The following PRKN variants were observed in gnomAD, a reference collection of about 807,000 sequenced individuals.
The protein encoded by PRKN is parkin RBR E3 ubiquitin protein ligase, also known as E3 ubiquitin-protein ligase parkin.
In PRKN, 56 loss-of-function variants were observed where a neutral mutation model predicts 59.5. The ratio of observed to expected loss-of-function variants is 0.94; its 90% CI spans 0.76 to 1.18. The LOEUF (loss-of-function observed/expected upper bound fraction) is 1.18. PRKN is among the 50% of genes most tolerant of loss of function. The pLI, the probability that PRKN is intolerant of heterozygous loss-of-function variation, is 0.00. For missense variants in PRKN, 657 were observed against 596.4 expected (o/e 1.10, Z -1.06); for synonymous variants, 250 against 222.1 (o/e 1.13, Z -1.12).
chr6:162,208,638 A>G (rs1247005682), intron 3 of PRKN, among the ~76,000 whole-genome samples: 1 of 152,216 alleles, frequency 6.6e-6, no homozygotes, highest in African/African-American at 2.4e-5. Context: ...AACAAAGTAC[A>G]AAGCCAAAAA....
At chr6:162,188,782 T>TG (rs960874440) in intron 4 of PRKN, among the ~76,000 whole-genome samples, 5 of 151,720 alleles carry the variant, frequency 3.3e-5, no homozygotes, top group Non-Finnish European at 5.9e-5. Context: ...GATTTCGTTT[T>TG]TTTTTTTTTT....
intron 1 of PRKN, among the ~76,000 whole-genome samples, chr6:162,631,134 T>A (rs1267004521): frequency 6.6e-6 from 1 of 152,136 alleles, no homozygotes; most frequent in Non-Finnish European, 1.5e-5. Context: ...GACATGGTCA[T>A]CTACTGTGTA....
At chr6:162,201,040 C>T (rs930216203) in intron 4 of PRKN, 91 bp downstream of exon 4, 50 of 1,358,080 alleles carry the variant, frequency 3.7e-5, no homozygotes, top group South Asian at 4.7e-5. Flanking sequence ...TTTTCAAAGA[C>T]GGGTGATACA....
chr6:161,652,939 A>G (rs768472724), intron 7 of PRKN, among the ~76,000 whole-genome samples: 3 of 152,242 alleles, frequency 2.0e-5, no homozygotes, highest in Non-Finnish European at 4.4e-5. Context: ...AGATGGCATT[A>G]AACCCAAACA....
intron 7 of PRKN, 60 bp downstream of exon 7, chr6:161,785,712 A>G: frequency 1.9e-6 from 3 of 1,551,938 alleles, no homozygotes; most frequent in Non-Finnish European, 2.7e-6. Context: ...TTTTACATCA[A>G]TAATTGTTCT....
At chr6:161,517,149 A>C (rs2115348591) in intron 9 of PRKN, among the ~76,000 whole-genome samples, 1 of 152,310 alleles carries the variant, frequency 6.6e-6, no homozygotes, top group Non-Finnish European at 1.5e-5. Context: ...CAAAATGAGT[A>C]GATGACTTCT....
In PRKN at chr6:161,897,966, C is replaced by CAAAAAAAAAAA. The variant is rs55714271; in HGVS notation, c.734+75325_734+75335dup. Among the ~76,000 whole-genome samples, 11 of 38,298 alleles carry CAAAAAAAAAAA rather than the reference C, an allele frequency of 2.9e-4. 2 individuals are homozygous for CAAAAAAAAAAA. Among genetic ancestry groups the CAAAAAAAAAAA allele is most frequent in the Admixed American group, 1.4e-3 (4 of 2,926 alleles). 25.1% of individuals were successfully genotyped at this position (38,298 alleles called of 152,430 possible). A position where few individuals can be genotyped will look rare whatever the true frequency, so the allele number is the denominator to read the frequency against. ...TGGGTGACAGAGCGAGACTCCGTCT[C>CAAAAAAAAAAA]AAAAAAAAAAAAAAAAAAGTCTCCC... On this transcript the variant is annotated intron_variant, in intron 6 of 11. Transcript: ENST00000366898.
intron 7 of PRKN, among the ~76,000 whole-genome samples, chr6:161,749,222 A>G (rs75309403): frequency 0.021 from 3,221 of 152,318 alleles, 102 homozygotes; most frequent in African/African-American, 0.073. Context: ...TTCTCTGACA[A>G]GACTGTAACA....
intron 1 of PRKN, among the ~76,000 whole-genome samples, chr6:162,482,198 G>T (rs888238279): frequency 6.6e-6 from 1 of 152,112 alleles, no homozygotes. Flanking sequence ...CCTTTTCAAT[G>T]ATCTCCATGC....
chr6:162,572,553 A>G (rs1207685105), intron 1 of PRKN, among the ~76,000 whole-genome samples: 1 of 152,172 alleles, frequency 6.6e-6, no homozygotes, highest in Non-Finnish European at 1.5e-5. Context: ...CTGTCACTAG[A>G]GAGAGCAAAA....
At chr6:161,697,409 T>G (rs1173439944) in intron 7 of PRKN, among the ~76,000 whole-genome samples, 1 of 152,220 alleles carries the variant, frequency 6.6e-6, no homozygotes, top group African/African-American at 2.4e-5. Context: ...AACTGTGCTC[T>G]AGCAGGCTGT....
intron 1 of PRKN, among the ~76,000 whole-genome samples, chr6:162,522,100 A>G (rs1401484295): frequency 6.6e-6 from 1 of 152,212 alleles, no homozygotes; most frequent in Non-Finnish European, 1.5e-5. Context: ...GAATATTAAT[A>G]CTTGTATGAT....
intron 7 of PRKN, among the ~76,000 whole-genome samples, chr6:161,714,664 G>A (rs943603465): frequency 6.6e-6 from 1 of 152,060 alleles, no homozygotes; most frequent in South Asian, 2.1e-4. Context: ...ATTTAAGACC[G>A]TAAACACAGA....
intron 1 of PRKN, among the ~76,000 whole-genome samples, chr6:162,717,252 G>T (rs917311770): frequency 5.3e-5 from 8 of 152,046 alleles, no homozygotes; most frequent in African/African-American, 1.9e-4. Context: ...GAAGGGGCTA[G>T]CCCAGCGAAC....
chr6:161,622,688 A>G (rs1782951547), intron 7 of PRKN, among the ~76,000 whole-genome samples: 1 of 152,206 alleles, frequency 6.6e-6, no homozygotes, highest in Admixed American at 6.5e-5. Context: ...GGATTGTATT[A>G]ACTTTAGGCT....
chr6:161,428,770 A>G lies in PRKN; in HGVS notation c.1084-41893T>C, dbSNP rs371166112. On this transcript the variant is annotated intron_variant, in intron 9 of 11. Transcript: ENST00000366898. The surrounding 1 kb of genome is among the most constrained non-coding windows in gnomAD (Gnocchi z 4.0). The stretch of plus-strand genomic sequence containing the variant: ...AGTACCTCTACCTTGGAAAACCTCC[A>G]TCTTGTCATATATGGGCAAGCATTC... 1.1e-4 allele frequency among the ~76,000 whole-genome samples: 16 copies of G among 152,182 alleles called. No homozygotes were observed. Among genetic ancestry groups the G allele is most frequent in the Non-Finnish European group, 1.2e-4 (8 of 68,028 alleles).
chr6:161,590,770 A>C (rs574259257), intron 7 of PRKN, among the ~76,000 whole-genome samples: 4 of 152,172 alleles, frequency 2.6e-5, no homozygotes, highest in African/African-American at 9.6e-5. Flanking sequence ...CTTGAGTCTA[A>C]ACAGGAGGAA....
At chr6:161,847,402 C>T (rs560277131) in intron 6 of PRKN, among the ~76,000 whole-genome samples, 1 of 152,236 alleles carries the variant, frequency 6.6e-6, no homozygotes, top group African/African-American at 2.4e-5. Flanking sequence ...AGGAGACTAT[C>T]AGAAGAAATG....
chr6:162,186,739 C>T (rs1293582276), intron 4 of PRKN, among the ~76,000 whole-genome samples: 8 of 152,166 alleles, frequency 5.3e-5, no homozygotes, highest in African/African-American at 1.4e-4. Flanking sequence ...TCACAAGATC[C>T]GTTTGTTTAA....
Sources: gnomAD v4.1 joint callset for allele counts (sites outside exome capture counted in the v4.1 genomes callset) on GRCh38, gnomAD v4.1.1 for gene constraint, Gnocchi (gnomAD v3.1) non-coding constraint, MANE v1.5 for transcripts, NCBI Gene and HGNC (gene_info 2026-07-23, HGNC 2026-07-21) for gene names.